Variants in SPSB4 observed in about 807,000 individuals in gnomAD.
SPSB4 encodes SPRY domain-containing SOCS box protein 4.
Under a neutral mutation model 20.9 loss-of-function variants are expected in SPSB4, and 21 were observed. The observed-to-expected ratio is 1.01, with a 90% CI of 0.71 to 1.45. SPSB4 has a LOEUF of 1.45. Ranked by LOEUF, SPSB4 falls within the 40% of genes most tolerant of loss-of-function variation. The probability of loss-of-function intolerance (pLI) is 0.00; values close to 1 mark genes in which losing one functional copy is unlikely to be tolerated. For synonymous variants in SPSB4, 207 were observed against 183.8 expected (o/e 1.13, Z -1.02); for missense variants, 399 against 399.2 (o/e 1.00, Z 0.00).
At chr3:141,055,417 T>C (rs1937620820) in intron 1 of SPSB4, among the ~76,000 whole-genome samples, 1 of 151,444 alleles carries the variant, frequency 6.6e-6, no homozygotes, top group Non-Finnish European at 1.5e-5. Context: ...TGACAGACAG[T>C]GTGGAAGAAA....
chr3:141,057,791 T>C (rs1330206941), intron 1 of SPSB4, among the ~76,000 whole-genome samples: 2 of 152,234 alleles, frequency 1.3e-5, no homozygotes, highest in Non-Finnish European at 2.9e-5. Flanking sequence ...AGATCAACTG[T>C]GTACTTTTAC....
chr3:141,077,883 C>T (rs1030885287), intron 2 of SPSB4, among the ~76,000 whole-genome samples: 9 of 152,168 alleles, frequency 5.9e-5, no homozygotes, highest in Admixed American at 5.2e-4. Flanking sequence ...TTGTGGGAGG[C>T]GGCAGGTGGT....
intron 2 of SPSB4, among the ~76,000 whole-genome samples, chr3:141,129,205 C>G (rs992658821): frequency 1.3e-5 from 2 of 152,194 alleles, no homozygotes; most frequent in African/African-American, 4.8e-5. Flanking sequence ...CTGCCCACCT[C>G]TGCTGTGGAG....
intron 2 of SPSB4, among the ~76,000 whole-genome samples, chr3:141,067,581 T>C (rs1399146587): frequency 6.6e-6 from 1 of 152,252 alleles, no homozygotes; most frequent in African/African-American, 2.4e-5. Flanking sequence ...GACAACTCTA[T>C]GGCTTCCTCT....
chr3:141,073,858 G>A (rs1019306579), intron 2 of SPSB4, among the ~76,000 whole-genome samples: 1 of 152,130 alleles, frequency 6.6e-6, no homozygotes, highest in African/African-American at 2.4e-5. Context: ...GCCAAGCAGA[G>A]GCTGCTTGAT....
intron 2 of SPSB4, among the ~76,000 whole-genome samples, chr3:141,134,035 CTTTTTTTTT>C (rs1348749217): frequency 3.6e-4 from 17 of 46,716 alleles, no homozygotes; most frequent in Middle Eastern, 0.011. Context: ...TTTTTCTTTT[CTTTTTTTTT>C]TTTTCTTTTT....
chr3:141,083,663 C>T (rs970491975), intron 2 of SPSB4, among the ~76,000 whole-genome samples: 3 of 152,110 alleles, frequency 2.0e-5, no homozygotes, highest in African/African-American at 7.2e-5. Context: ...CTCCACCTGT[C>T]TAAAGCTATC....
At chr3:141,071,039 G>T (rs1937992769) in intron 2 of SPSB4, among the ~76,000 whole-genome samples, 1 of 152,206 alleles carries the variant, frequency 6.6e-6, no homozygotes, top group Non-Finnish European at 1.5e-5. Flanking sequence ...AGCCCTCAAA[G>T]CTCTTGGCTC....
At chr3:141,092,591 C>A (rs1938475605) in intron 2 of SPSB4, among the ~76,000 whole-genome samples, 1 of 152,222 alleles carries the variant, frequency 6.6e-6, no homozygotes, top group African/African-American at 2.4e-5. Context: ...CCTGCTCAGG[C>A]AGCTACCACC....
At chr3:141,108,897 T>C (rs938376110) in intron 2 of SPSB4, among the ~76,000 whole-genome samples, 1 of 152,108 alleles carries the variant, frequency 6.6e-6, no homozygotes, top group Non-Finnish European at 1.5e-5. Flanking sequence ...CACAGCGGCT[T>C]TAAATTGCAC....
intron 2 of SPSB4, among the ~76,000 whole-genome samples, chr3:141,140,644 C>T (rs1381717398): frequency 3.9e-5 from 6 of 152,132 alleles, no homozygotes; most frequent in Non-Finnish European, 8.8e-5. Flanking sequence ...TGCAGAACAG[C>T]GGATATTGGT....
intron 1 of SPSB4, among the ~76,000 whole-genome samples, chr3:141,057,612 A>T (rs754514378): frequency 3.7e-4 from 56 of 152,204 alleles, no homozygotes; most frequent in Non-Finnish European, 6.0e-4. Flanking sequence ...GTCCGATGGG[A>T]GGGAGGCAGC....
chr3:141,056,563 T>C (rs1053790342), intron 1 of SPSB4, among the ~76,000 whole-genome samples: 1 of 152,266 alleles, frequency 6.6e-6, no homozygotes, highest in Non-Finnish European at 1.5e-5. Flanking sequence ...GCTTTTCTTT[T>C]AGGCATTCTG....
intron 2 of SPSB4, among the ~76,000 whole-genome samples, chr3:141,075,376 G>A (rs72980168): frequency 0.046 from 6,926 of 151,754 alleles, 511 homozygotes; most frequent in African/African-American, 0.15. Context: ...CAGGGGGTTA[G>A]CACAGTCACA....
intron 2 of SPSB4, among the ~76,000 whole-genome samples, chr3:141,137,226 T>G (rs1017161639): frequency 1.1e-4 from 16 of 152,344 alleles, no homozygotes; most frequent in Non-Finnish European, 2.2e-4. Flanking sequence ...CTTATCAGCT[T>G]ACGGAGATTT....
chr3:141,130,582 C>T (rs530216962), intron 2 of SPSB4, among the ~76,000 whole-genome samples: 27 of 152,336 alleles, frequency 1.8e-4, no homozygotes, highest in East Asian at 1.9e-4. Context: ...CCTCTTGACT[C>T]TAAGATGCTG....
At chr3:141,073,507 T>C (rs1488018336) in intron 2 of SPSB4, among the ~76,000 whole-genome samples, 1 of 152,236 alleles carries the variant, frequency 6.6e-6, no homozygotes, top group Non-Finnish European at 1.5e-5. Flanking sequence ...CACCTAGCCC[T>C]TTACTTCACA....
intron 2 of SPSB4, among the ~76,000 whole-genome samples, chr3:141,070,851 C>G (rs1020998048): frequency 2.0e-5 from 3 of 152,222 alleles, no homozygotes; most frequent in African/African-American, 7.2e-5. Flanking sequence ...GAGGCAGACA[C>G]GGGCACCTTG....
At chr3:141,074,062 CAGGTGACAGCATTTGAAA>C (rs1378626313) in intron 2 of SPSB4, among the ~76,000 whole-genome samples, 2 of 152,166 alleles carry the variant, frequency 1.3e-5, no homozygotes, top group Non-Finnish European at 2.9e-5. Flanking sequence ...CTTTGAAATG[CAGGTGACAGCATTTGAAA>C]TCAGGCTTAA....
Sources: gnomAD v4.1 joint callset for allele counts (sites outside exome capture counted in the v4.1 genomes callset) on GRCh38, gnomAD v4.1.1 for gene constraint, MANE v1.5 for transcripts, NCBI Gene and HGNC (gene_info 2026-07-23, HGNC 2026-07-21) for gene names.